Variants in ANK3 observed in about 807,000 individuals in gnomAD.
ANK3 encodes the protein ankyrin-3.
Under a neutral mutation model 370.9 loss-of-function variants are expected in ANK3, and 57 were observed. The ratio of observed to expected loss-of-function variants is 0.15; its 90% CI spans 0.12 to 0.19. ANK3 has a LOEUF of 0.19. Among genes scored for constraint, ANK3 ranks in the 10% least tolerant of loss-of-function variants. The probability of loss-of-function intolerance (pLI) is 1.00; values close to 1 mark genes in which losing one functional copy is unlikely to be tolerated. For synonymous variants in ANK3, 1,929 were observed against 1,946.3 expected (o/e 0.99, Z 0.23); for missense variants, 4,439 against 5,302.1 (o/e 0.84, Z 5.06).
At chr10:60,256,398 G>A (rs74344109) in intron 7 of ANK3, among the ~76,000 whole-genome samples, 1,623 of 152,316 alleles carry the variant, frequency 0.011, 14 homozygotes, top group Non-Finnish European at 0.016. Context: ...AAATCCCCCA[G>A]ATAATGCTCA....
At chr10:60,624,189 C>G (rs992252578) in intron 1 of ANK3, among the ~76,000 whole-genome samples, 7 of 151,988 alleles carry the variant, frequency 4.6e-5, no homozygotes, top group African/African-American at 1.7e-4. Context: ...CACATGTACC[C>G]CTCAACCTAA....
In ANK3 at chr10:60,076,047, T is replaced by G. The variant is rs2083720552; in HGVS notation, c.4834A>C (p.Lys1612Gln). 1 of 1,614,086 alleles carries G rather than the reference T, an allele frequency of 6.2e-7. No individual in the cohort carries two copies. Among genetic ancestry groups the G allele is most frequent in the Admixed American group, 1.7e-5 (1 of 60,010 alleles). The change falls in exon 37 of 44, where the codon AAA (lysine) becomes CAA (glutamine). Residue 1612 changes from lysine (K) to glutamine (Q), a missense_variant. This residue lies in a region of ANK3 where 679 missense variants were observed against 791.0 expected (regional missense o/e 0.86). Coordinates refer to ENST00000280772, the MANE Select transcript of ANK3 (RefSeq NM_020987.5). The part of the protein sequence containing the change: ...APAVTEATPL[K>Q]GLASNSTFSS... Reference sequence around the variant, plus strand: ...AACGTAGAATTGGATGCCAGCCCTTTTAAGGGCGTAGCTTCCGTGACTGCT... The same window carrying G: ...AACGTAGAATTGGATGCCAGCCCTTGTAAGGGCGTAGCTTCCGTGACTGCT...
chr10:60,044,188 A>G, intron 42 of ANK3: 1 of 984,726 alleles, frequency 1.0e-6, no homozygotes, highest in Non-Finnish European at 1.2e-6. Flanking sequence ...AGATGACACT[A>G]CAGCACAAAA....
intron 24 of ANK3, among the ~76,000 whole-genome samples, chr10:60,135,572 C>T (rs557994400): frequency 1.4e-3 from 211 of 152,334 alleles, no homozygotes; most frequent in African/African-American, 4.8e-3. Flanking sequence ...CTTCTTCTTT[C>T]ACTGCCTATA....
intron 8 of ANK3, among the ~76,000 whole-genome samples, chr10:60,225,217 A>G (rs931210457): frequency 1.3e-5 from 2 of 152,112 alleles, no homozygotes; most frequent in African/African-American, 4.8e-5. Flanking sequence ...CCAGCCAGCA[A>G]AGCTATTCCA....
intron 1 of ANK3, among the ~76,000 whole-genome samples, chr10:60,292,217 G>T (rs891986918): frequency 6.6e-6 from 1 of 152,062 alleles, no homozygotes; most frequent in African/African-American, 2.4e-5. Context: ...GAAAATAACC[G>T]CAGATGGAGA....
In ANK3 at chr10:60,556,302, AT is replaced by A. The variant is rs1004766508; in HGVS notation, c.96+58883del. ...CCATCTATTTTCCGGCCTGCTGTAA[AT>A]TTTTTTTTTCTGGACTACTGTTCTA... On this transcript the variant is annotated intron_variant, in intron 2 of 43. Coordinates refer to the ANK3 transcript ENST00000373827. 3.0e-4 allele frequency among the ~76,000 whole-genome samples: 46 copies of A among 150,826 alleles called. No homozygotes were observed. In the East Asian group the frequency reaches 6.2e-3, roughly 20 times the overall value.
intron 1 of ANK3, among the ~76,000 whole-genome samples, chr10:60,338,553 G>C (rs1481760961): frequency 6.6e-6 from 1 of 152,136 alleles, no homozygotes; most frequent in Non-Finnish European, 1.5e-5. Flanking sequence ...CAGGACACGT[G>C]CATGGTATGT....
At position 60,295,967 on chromosome 10, in the gene ANK3, T is replaced by G. The variant is rs151267640; in HGVS notation, c.115-16328A>C. ...TCAAGGATACCAGTCTTCAGGGTAC[T>G]CTAGAAGGGTCTCAGGGACACCCAG... On this transcript the variant is annotated intron_variant, in intron 1 of 43. Transcript: ENST00000280772. Among the ~76,000 whole-genome samples the G allele has an allele frequency of 3.8e-4, 58 of 152,316 alleles. No individual in the cohort carries two copies. The East Asian group carries it at 0.01, about 27-fold the overall frequency.
chr10:60,638,054 A>G (rs545116038), intron 1 of ANK3, among the ~76,000 whole-genome samples: 27 of 152,328 alleles, frequency 1.8e-4, no homozygotes, highest in Non-Finnish European at 3.2e-4. Context: ...AAATAATTCC[A>G]ATTTGTGAGC....
intron 8 of ANK3, among the ~76,000 whole-genome samples, chr10:60,226,582 AC>A (rs1330449628): frequency 2.3e-5 from 2 of 86,150 alleles, no homozygotes; most frequent in Non-Finnish European, 4.2e-5. Context: ...ATGTATATAT[AC>A]TATGTATATA....
At chr10:60,133,372 T>G (rs727274) in intron 25 of ANK3, among the ~76,000 whole-genome samples, 77,763 of 152,106 alleles carry the variant, frequency 0.51, 20,542 homozygotes, top group African/African-American at 0.56. Context: ...TGAGCCCACA[T>G]GCAGGAAGAC....
chr10:60,623,117 A>G (rs1035584716), intron 1 of ANK3, among the ~76,000 whole-genome samples: 1 of 152,192 alleles, frequency 6.6e-6, no homozygotes, highest in Admixed American at 6.6e-5. Context: ...CCCAGAAGGT[A>G]GGATTTAGAT....
At chr10:60,128,345 T>A (rs1447901053) in intron 25 of ANK3, among the ~76,000 whole-genome samples, 2 of 151,694 alleles carry the variant, frequency 1.3e-5, no homozygotes, top group Non-Finnish European at 2.9e-5. Flanking sequence ...GGGGGTGAGT[T>A]ACTCATGCTC....
At position 60,684,850 on chromosome 10, in the gene ANK3, C is replaced by T. The variant is rs1330760791; in HGVS notation, c.57+48413G>A. On this transcript the variant is annotated intron_variant, in intron 1 of 43. Transcript: ENST00000373827. ...GATGGAAGAAGCCAAAACTGAACTTCACAAAATAACTAGGTTATCAGAAAA... is the reference window on the plus strand; with the variant it reads ...GATGGAAGAAGCCAAAACTGAACTTTACAAAATAACTAGGTTATCAGAAAA... 3 of 1,495,872 alleles carry T rather than the reference C, an allele frequency of 2.0e-6. No homozygotes were observed. In the East Asian group the frequency reaches 6.9e-5, roughly 34 times the overall value. 92.7% of individuals were successfully genotyped at this position (1,495,872 alleles called of 1,614,324 possible). A position where few individuals can be genotyped will look rare whatever the true frequency, so the allele number is the denominator to read the frequency against.
chr10:60,164,646 G>A (rs1206095591), intron 23 of ANK3, among the ~76,000 whole-genome samples: 1 of 152,138 alleles, frequency 6.6e-6, no homozygotes, highest in East Asian at 1.9e-4. Context: ...TCAATGAGTA[G>A]ATGCTACAGG....
rs565492682 is a variant in ANK3, at chr10:60,282,425, C to A, written c.115-2786G>T. On this transcript the variant is annotated intron_variant, in intron 1 of 43. Transcript: ENST00000280772. ...TCGGTATAAAACAAATCTTCGAATT[C>A]AGTGGTTCTCTACCTATTTGGGATC... Among the ~76,000 whole-genome samples, 7 of 152,128 alleles carry A rather than the reference C, an allele frequency of 4.6e-5. No individual in the cohort carries two copies. In the South Asian group the frequency reaches 6.2e-4, roughly 14 times the overall value.
At chr10:60,161,542 ATAT>A (rs2095500692) in intron 23 of ANK3, among the ~76,000 whole-genome samples, 1 of 152,208 alleles carries the variant, frequency 6.6e-6, no homozygotes, top group African/African-American at 2.4e-5. Context: ...ACATAATGAA[ATAT>A]TATTCAGCCA....
At chr10:60,439,907 T>C (rs1368529217) in intron 2 of ANK3, among the ~76,000 whole-genome samples, 10 of 152,310 alleles carry the variant, frequency 6.6e-5, no homozygotes, top group Non-Finnish European at 1.2e-4. Flanking sequence ...AAAGCCTGTG[T>C]CAAAACCTAA....
Sources: allele counts gnomAD v4.1 joint callset (sites outside exome capture counted in the v4.1 genomes callset), GRCh38; gene constraint gnomAD v4.1.1; regional missense constraint gnomAD v4.1.1; transcripts MANE v1.5; gene names NCBI Gene and HGNC (gene_info 2026-07-23, HGNC 2026-07-21).